The following PCDH15 variants were observed in gnomAD, a reference collection of about 807,000 sequenced individuals.
The protein encoded by PCDH15 is protocadherin related 15, also known as protocadherin-15.
PCDH15 carries 129 observed loss-of-function variants against 178.5 expected under a neutral mutation model. The ratio of observed to expected loss-of-function variants is 0.72; its 90% CI spans 0.63 to 0.84. The LOEUF (loss-of-function observed/expected upper bound fraction) is 0.84. Ranked by LOEUF, PCDH15 falls within the 40% of genes least tolerant of loss-of-function variation. PCDH15 has a pLI of 0.00. For synonymous variants in PCDH15, 800 were observed against 732.0 expected (o/e 1.09, Z -1.50); for missense variants, 2,230 against 2,099.9 (o/e 1.06, Z -1.21).
intron 2 of PCDH15, among the ~76,000 whole-genome samples, chr10:55,004,175 T>C (rs1839867794): frequency 6.6e-6 from 1 of 152,144 alleles, no homozygotes; most frequent in South Asian, 2.1e-4. Flanking sequence ...AAATTACATT[T>C]CAGAAGAAAA....
intron 1 of PCDH15, among the ~76,000 whole-genome samples, chr10:54,731,308 G>A (rs72794581): frequency 0.1 from 15,198 of 150,462 alleles, 997 homozygotes; most frequent in Middle Eastern, 0.16. Flanking sequence ...TTTGTACACC[G>A]TTGGTAGGAA....
At chr10:54,524,206 T>G (rs2083156735) in intron 3 of PCDH15, among the ~76,000 whole-genome samples, 1 of 152,184 alleles carries the variant, frequency 6.6e-6, no homozygotes, top group South Asian at 2.1e-4. Flanking sequence ...CAACTCAGAT[T>G]TACCTTTCAT....
At chr10:54,121,996 G>GACACAGACACACACAC (rs756158522) in intron 15 of PCDH15, among the ~76,000 whole-genome samples, 5,073 of 95,734 alleles carry the variant, frequency 0.053, 129 homozygotes, top group South Asian at 0.095. Context: ...ACCGGGCAAA[G>GACACAGACACACACAC]ACACATACAC....
chr10:54,189,690 G>A (rs2048788612), intron 11 of PCDH15, among the ~76,000 whole-genome samples: 1 of 151,956 alleles, frequency 6.6e-6, no homozygotes, highest in South Asian at 2.1e-4. Flanking sequence ...CAAGCCAAAT[G>A]AGTAATCTTT....
chr10:54,659,279 A>G (rs879938374), intron 2 of PCDH15, among the ~76,000 whole-genome samples: 7 of 152,182 alleles, frequency 4.6e-5, no homozygotes, highest in Non-Finnish European at 7.3e-5. Context: ...GATCAAATGG[A>G]TGTAATAGAC....
At chr10:53,957,155 A>AAT (rs1645549757) in intron 23 of PCDH15, among the ~76,000 whole-genome samples, 1 of 152,182 alleles carries the variant, frequency 6.6e-6, no homozygotes, top group East Asian at 1.9e-4. Context: ...AAGTTTAAGC[A>AAT]ATATATCACT....
chr10:54,582,261 G>A (rs1451690259), intron 2 of PCDH15, among the ~76,000 whole-genome samples: 3 of 151,982 alleles, frequency 2.0e-5, no homozygotes, highest in African/African-American at 4.8e-5. Context: ...ATTAAAAAGT[G>A]GGCAAAGGAC....
intron 11 of PCDH15, among the ~76,000 whole-genome samples, chr10:54,185,531 C>T (rs1450097111): frequency 6.6e-6 from 1 of 151,662 alleles, no homozygotes; most frequent in Admixed American, 6.6e-5. Context: ...AATAGAAAAA[C>T]AGAAAGAATA....
intron 2 of PCDH15, among the ~76,000 whole-genome samples, chr10:54,968,197 C>A (rs1035806649): frequency 7.2e-5 from 11 of 152,088 alleles, no homozygotes; most frequent in African/African-American, 2.7e-4. Flanking sequence ...TGTATTCCAA[C>A]GTGGCATATT....
intron 2 of PCDH15, among the ~76,000 whole-genome samples, chr10:55,623,252 A>T (rs1463045570): frequency 6.6e-6 from 1 of 152,164 alleles, no homozygotes; most frequent in Admixed American, 6.5e-5. Context: ...TCAGGCCTTA[A>T]CTAGGTCGTA....
At chr10:55,539,052 C>T (rs528979303) in intron 2 of PCDH15, among the ~76,000 whole-genome samples, 32 of 148,276 alleles carry the variant, frequency 2.2e-4, no homozygotes, top group African/African-American at 7.5e-4. Context: ...TCTTCCCTCC[C>T]TCCCTTCCTC....
At chr10:53,938,979 TG>T in intron 24 of PCDH15, 24 bp from the exon 25 acceptor site, 1 of 1,604,206 alleles carries the variant, frequency 6.2e-7, no homozygotes, top group Non-Finnish European at 8.5e-7. Flanking sequence ...TACAATTACC[TG>T]GTCATTGTCT....
At chr10:54,053,829 T>C (rs1377291173) in intron 18 of PCDH15, among the ~76,000 whole-genome samples, 3 of 152,156 alleles carry the variant, frequency 2.0e-5, no homozygotes, top group Non-Finnish European at 4.4e-5. Flanking sequence ...TCACAGATAA[T>C]TATAAAGTGT....
chr10:53,832,210 G>A lies in PCDH15; in HGVS notation c.3984-677C>T, dbSNP rs1023195044. Among the ~76,000 whole-genome samples the A allele has an allele frequency of 2.0e-5, 3 of 152,168 alleles. No individual in the cohort carries two copies. The South Asian group carries it at 6.2e-4, about 32-fold the overall frequency. ...ATCAGTGTTGTAAGAATGACAGGAA[G>A]TGGTAGTCAATGTAATTCCTTCCTC... On this transcript the variant is annotated intron_variant, in intron 29 of 37. Coordinates refer to ENST00000644397, the MANE Select transcript of PCDH15 (RefSeq NM_001384140.1).
chr10:55,306,668 T>C (rs1366030576), intron 1 of PCDH15, among the ~76,000 whole-genome samples: 1 of 152,214 alleles, frequency 6.6e-6, no homozygotes, highest in Non-Finnish European at 1.5e-5. Flanking sequence ...AAACTCGAGA[T>C]TCTCAGAATT....
intron 1 of PCDH15, among the ~76,000 whole-genome samples, chr10:54,727,424 C>A (rs1405444944): frequency 6.6e-6 from 1 of 151,354 alleles, no homozygotes; most frequent in African/African-American, 2.4e-5. Context: ...TACAACATAC[C>A]AGACTCTGGG....
chr10:54,797,286 A>G (rs1952132184), intron 1 of PCDH15, among the ~76,000 whole-genome samples: 1 of 151,976 alleles, frequency 6.6e-6, no homozygotes, highest in Non-Finnish European at 1.5e-5. Flanking sequence ...GAACTTTTCC[A>G]TTTACCAACT....
At chr10:54,140,085 A>G (rs1308631842) in intron 14 of PCDH15, among the ~76,000 whole-genome samples, 1 of 152,214 alleles carries the variant, frequency 6.6e-6, no homozygotes, top group Non-Finnish European at 1.5e-5. Context: ...AATATCCTTT[A>G]AAACTTGATA....
intron 8 of PCDH15, among the ~76,000 whole-genome samples, chr10:54,247,755 C>T (rs897287344): frequency 4.0e-5 from 6 of 151,230 alleles, no homozygotes; most frequent in Non-Finnish European, 5.9e-5. Context: ...TAAAGCTTTT[C>T]GATAAACTAG....
Sources: allele counts gnomAD v4.1 joint callset (sites outside exome capture counted in the v4.1 genomes callset), GRCh38; gene constraint gnomAD v4.1.1; transcripts MANE v1.5; gene names NCBI Gene and HGNC (gene_info 2026-07-23, HGNC 2026-07-21).